The following PRSS55 variants were observed in gnomAD, a reference collection of about 807,000 sequenced individuals.
The protein encoded by PRSS55 is probable serine protease UNQ9391/PRO34284.
Under a neutral mutation model 23.6 loss-of-function variants are expected in PRSS55, and 41 were observed. That is an observed-to-expected ratio of 1.74 (90% CI 1.35 to 2.26). PRSS55 has a LOEUF of 2.26. Ranked by LOEUF, PRSS55 falls within the 30% of genes most tolerant of loss-of-function variation. The pLI, the probability that PRSS55 is intolerant of heterozygous loss-of-function variation, is 0.00. For synonymous variants in PRSS55, 262 were observed against 175.5 expected (o/e 1.49, Z -3.90); for missense variants, 669 against 439.1 (o/e 1.52, Z -4.68).
intron 4 of PRSS55, among the ~76,000 whole-genome samples, chr8:10,550,946 T>C (rs1473946381): frequency 6.6e-6 from 1 of 152,200 alleles, no homozygotes; most frequent in Non-Finnish European, 1.5e-5. Flanking sequence ...AATAAATCAA[T>C]TACTCCCACT....
chr8:10,531,466 G>T lies in PRSS55; in HGVS notation c.519G>T (p.Val173=). 6.2e-7 allele frequency: 1 copy of T among 1,614,084 alleles called. No homozygotes were observed. Among genetic ancestry groups the T allele is most frequent in the Non-Finnish European group, 8.5e-7 (1 of 1,180,052 alleles). The change falls in exon 3 of 5, where the codon GTG becomes GTT. Residue 173 remains valine, a synonymous_variant. Coordinates refer to ENST00000328655, the MANE Select transcript of PRSS55 (RefSeq NM_198464.4). ...ASPIKLDDLK[V]PICLPTQPGP... Reference sequence around the variant, plus strand: ...CCATCAAGCTCGATGACCTGAAGGTGCCCATCTGCCTCCCCACGCAGCCCG... The same window carrying T: ...CCATCAAGCTCGATGACCTGAAGGTTCCCATCTGCCTCCCCACGCAGCCCG...
chr8:10,548,668 G>A (rs1485851249), intron 4 of PRSS55, among the ~76,000 whole-genome samples: 1 of 152,200 alleles, frequency 6.6e-6, no homozygotes, highest in East Asian at 1.9e-4. Context: ...ACGAGGAGCT[G>A]TTGGGACAGA....
At chr8:10,549,234 G>A (rs1044440766) in intron 4 of PRSS55, among the ~76,000 whole-genome samples, 4 of 152,224 alleles carry the variant, frequency 2.6e-5, no homozygotes, top group Non-Finnish European at 5.9e-5. Context: ...GCCTCTGAAA[G>A]GTCCCTGCAG....
Position 10,528,050 on chromosome 8 carries a change from A to G in PRSS55, c.155-1457A>G, listed in dbSNP as rs539183755. ...CAACATACAGTGAAACCCTGTCTCT[A>G]CTAAAAAATACAAAAACTGTAGTCC... On this transcript the variant is annotated intron_variant, in intron 1 of 4. Transcript: ENST00000328655. Among the ~76,000 whole-genome samples, 4 of 152,194 alleles carry G rather than the reference A, an allele frequency of 2.6e-5. No individual in the cohort carries two copies. In the South Asian group the frequency reaches 6.2e-4, roughly 24 times the overall value.
intron 1 of PRSS55, among the ~76,000 whole-genome samples, chr8:10,529,089 A>T (rs1410139396): frequency 6.6e-6 from 1 of 152,184 alleles, no homozygotes; most frequent in Non-Finnish European, 1.5e-5. Flanking sequence ...CTTTCCTTGC[A>T]AGCTAAAATA....
chr8:10,532,932 C>A lies in PRSS55; in HGVS notation c.625C>A (p.Leu209Met), dbSNP rs750412905. 6 of 1,614,090 alleles carry A rather than the reference C, an allele frequency of 3.7e-6. No homozygotes were observed. Among genetic ancestry groups the A allele is most frequent in the Non-Finnish European group, 5.1e-6 (6 of 1,180,054 alleles). ...TGACAAAAACTCTGTGAAAACGGAT[C>A]TGATGAAAGCGCCAATGGTCATCAT... ...AADKNSVKTD[L>M]MKAPMVIMDW... Residue 209 changes from leucine (L) to methionine (M), a missense_variant, in exon 4 of 5, where the codon CTG becomes ATG. By Grantham distance (15) the Leu-to-Met change is conservative (BLOSUM62 2). Transcript: ENST00000328655.
At position 10,526,301 on chromosome 8, in the gene PRSS55, G is replaced by A. The variant is rs143625018; in HGVS notation, c.154+562G>A. On this transcript the variant is annotated intron_variant, in intron 1 of 4. Transcript: ENST00000328655. ...ATCTGCTCTCAGACAACGTGTGGAT[G>A]AGGAACTCAAAGCCTGAGGAAGAGG... Among the ~76,000 whole-genome samples, 165 of 152,332 alleles carry A rather than the reference G, an allele frequency of 1.1e-3. 2 individuals are homozygous for A. In the East Asian group the frequency reaches 0.024, roughly 22 times the overall value.
Position 10,532,997 on chromosome 8 carries a change from C to G in PRSS55, c.690C>G (p.Thr230=). 1 of 1,614,098 alleles carries G rather than the reference C, an allele frequency of 6.2e-7. No homozygotes were observed. The highest frequency in any genetic ancestry group is 1.3e-5 in the African/African-American group (1 of 75,008). Residue 230 remains threonine (T), a synonymous_variant, in exon 4 of 5, where the codon ACC becomes ACG. Transcript: ENST00000328655. ...GTTCAAAGATGTTTCCAAAACTTAC[C>G]AAAAATATGCTGTGTGCCGGATACA... The part of the protein sequence containing the change: ...EECSKMFPKL[T]KNMLCAGYKN...
chr8:10,548,972 C>T (rs1276323922), intron 4 of PRSS55, among the ~76,000 whole-genome samples: 3 of 152,142 alleles, frequency 2.0e-5, no homozygotes, highest in Admixed American at 1.3e-4. Flanking sequence ...CTTATCGGAA[C>T]GCAGCCACGC....
chr8:10,540,229 G>A (rs1438065416), downstream of PRSS55: 1 of 152,314 alleles, frequency 6.6e-6, no homozygotes, highest in African/African-American at 2.4e-5. Flanking sequence ...AGTCCCTCGA[G>A]AACGTGTTCC....
At chr8:10,533,841 C>T (rs28685056) in intron 4 of PRSS55, among the ~76,000 whole-genome samples, 2,272 of 152,156 alleles carry the variant, frequency 0.015, 59 homozygotes, top group African/African-American at 0.052. Flanking sequence ...GGAGAGGCTG[C>T]CCCATGGAAA....
At chr8:10,533,077 A>G in intron 4 of PRSS55, 29 bp downstream of exon 4, 1 of 1,612,678 alleles carries the variant, frequency 6.2e-7, no homozygotes, top group Non-Finnish European at 8.5e-7. Flanking sequence ...CCCTCACCTT[A>G]TAGGTCCTCA....
In PRSS55 at chr8:10,529,275, G is replaced by C. The variant is rs912018347; in HGVS notation, c.155-232G>C. ...AGGTCACAAATGCTGGATAGAGTCA[G>C]AGCCAATGCTTCTGACTCTATCTGT... On this transcript the variant is annotated intron_variant, in intron 1 of 4. Transcript: ENST00000328655. The C allele has an allele frequency of 1.4e-5, 8 of 581,932 alleles. No homozygotes were observed. The African/African-American group carries it at 1.5e-4, about 11-fold the overall frequency. 36.0% of individuals were successfully genotyped at this position (581,932 alleles called of 1,614,324 possible).
At chr8:10,548,531 C>T (rs533325601) in intron 4 of PRSS55, among the ~76,000 whole-genome samples, 1 of 152,300 alleles carries the variant, frequency 6.6e-6, no homozygotes, top group South Asian at 2.1e-4. Flanking sequence ...AGCTGGGAGA[C>T]GGTTTCCCTC....
intron 4 of PRSS55, among the ~76,000 whole-genome samples, chr8:10,537,103 T>C (rs1192437716): frequency 6.6e-6 from 1 of 152,252 alleles, no homozygotes; most frequent in African/African-American, 2.4e-5. Flanking sequence ...AACTACCATA[T>C]GATCCAGCAA....
At chr8:10,547,613 G>C (rs1478773567) in intron 4 of PRSS55, 2 of 152,360 alleles carry the variant, frequency 1.3e-5, no homozygotes, top group African/African-American at 4.8e-5. Context: ...GCACTACCCA[G>C]GCTCGAAATC....
intron 4 of PRSS55, among the ~76,000 whole-genome samples, chr8:10,552,379 A>G (rs1812970672): frequency 6.6e-6 from 1 of 152,238 alleles, no homozygotes; most frequent in Non-Finnish European, 1.5e-5. Context: ...AAGCTTAGAT[A>G]TGACCCCAAA....
At chr8:10,531,672 G>A in intron 3 of PRSS55, 127 bp downstream of exon 3, 1 of 1,370,504 alleles carries the variant, frequency 7.3e-7, no homozygotes, top group Non-Finnish European at 9.8e-7. Flanking sequence ...GAGTCTCACA[G>A]TGCCCAAAGT....
rs781454876 is a variant in PRSS55 at position 10,529,589 on chromosome 8, T to C, written c.237T>C (p.Phe79=). The C allele has an allele frequency of 3.7e-5, 60 of 1,614,076 alleles. No homozygotes were observed. The highest frequency in any genetic ancestry group is 4.8e-5 in the Non-Finnish European group (57 of 1,180,036). ...TGGMEAEVGE[F]PWQVSIQARS... is the part of the protein sequence containing the mutation. ...GGATGGAGGCGGAGGTGGGTGAGTT[T>C]CCGTGGCAGGTGAGTATTCAGGCAA... The change falls in exon 2 of 5, where the codon TTT becomes TTC. Residue 79 remains phenylalanine, a synonymous_variant. Coordinates refer to ENST00000328655, the MANE Select transcript of PRSS55 (RefSeq NM_198464.4).
Sources: allele counts gnomAD v4.1 joint callset (sites outside exome capture counted in the v4.1 genomes callset), GRCh38; gene constraint gnomAD v4.1.1; transcripts MANE v1.5; gene names NCBI Gene and HGNC (gene_info 2026-07-23, HGNC 2026-07-21).